Variants in ANKRD30A observed in about 807,000 individuals in gnomAD.
ANKRD30A encodes the protein ankyrin repeat domain 30A.
In ANKRD30A, 170 loss-of-function variants were observed where a neutral mutation model predicts 166.3. That is an observed-to-expected ratio of 1.02 (90% confidence interval 0.90 to 1.16). ANKRD30A has a LOEUF of 1.16. Ranked by LOEUF, ANKRD30A falls within the 50% of genes most tolerant of loss-of-function variation. ANKRD30A has a pLI of 0.00. For missense variants in ANKRD30A, 1,630 were observed against 1,518.0 expected (o/e 1.07, Z -1.23); for synonymous variants, 564 against 508.9 (o/e 1.11, Z -1.46).
chr10:37,159,855 C>T (rs940276117), intron 15 of ANKRD30A, among the ~76,000 whole-genome samples: 13 of 152,150 alleles, frequency 8.5e-5, no homozygotes, highest in East Asian at 3.9e-4. Context: ...CCACCATGCC[C>T]GGCTAATGTT....
At chr10:37,246,072 T>G in the ANKRD30A span, among the ~76,000 whole-genome samples, 1 of 152,204 alleles carries the variant, frequency 6.6e-6, no homozygotes, top group Non-Finnish European at 1.5e-5. Flanking sequence ...CAAAATTCTG[T>G]TCACCAGAGG....
At chr10:37,154,577 G>A (rs1838221820) in intron 13 of ANKRD30A, among the ~76,000 whole-genome samples, 1 of 152,060 alleles carries the variant, frequency 6.6e-6, no homozygotes, top group South Asian at 2.1e-4. Context: ...AATTATAGAT[G>A]GAAGATACTA....
At chr10:37,250,688 C>T in the ANKRD30A span, among the ~76,000 whole-genome samples, 1 of 152,214 alleles carries the variant, frequency 6.6e-6, no homozygotes, top group African/African-American at 2.4e-5. Flanking sequence ...CTCCAGAGAG[C>T]TTATTGCCCC....
At chr10:37,205,025 G>C (rs1394931840) in intron 31 of ANKRD30A, among the ~76,000 whole-genome samples, 1 of 152,170 alleles carries the variant, frequency 6.6e-6, no homozygotes, top group African/African-American at 2.4e-5. Context: ...TTCAACCATT[G>C]TGGAAGACAG....
chr10:37,193,210 A>G lies in ANKRD30A; in HGVS notation c.2566A>G (p.Ile856Val), dbSNP rs562118551. ...GGCTCCCTGCAGAATGAAAGTTTCT[A>G]TTCCAACTAAAGCCTTAGAATTGAT... The part of the protein sequence containing the change: ...LKAPCRMKVS[I>V]PTKALELMDM... The change falls in exon 27 of 36, where the codon ATT becomes GTT. Residue 856 changes from isoleucine (I) to valine (V), a missense_variant. By Grantham distance (29) the Ile-to-Val change is conservative (BLOSUM62 3). Around this residue, in one of 4 missense-constraint regions of ANKRD30A, gnomAD observed 712 missense variants for 629.3 expected, o/e 1.13. Coordinates refer to ENST00000361713, the MANE Select transcript of ANKRD30A (RefSeq NM_052997.3). The G allele has an allele frequency of 1.2e-6, 2 of 1,612,060 alleles. No individual in the cohort carries two copies. Among genetic ancestry groups the G allele is most frequent in the African/African-American group, 2.7e-5 (2 of 74,812 alleles).
Position 37,130,274 on chromosome 10 carries a change from G to A in ANKRD30A, c.406G>A (p.Asp136Asn). 6.2e-7 allele frequency: 1 copy of A among 1,604,876 alleles called. No homozygotes were observed. The highest frequency in any genetic ancestry group is 8.5e-7 in the Non-Finnish European group (1 of 1,175,940). The change falls in exon 3 of 36, where the codon GAT (aspartate) becomes AAT (asparagine). Residue 136 changes from aspartate (D) to asparagine (N), a missense_variant. Physicochemically the swap from Asp to Asn is conservative, Grantham distance 23 (BLOSUM62 1). Around this residue, in one of 4 missense-constraint regions of ANKRD30A, gnomAD observed 904 missense variants for 818.5 expected, o/e 1.10. Coordinates refer to ENST00000361713, the MANE Select transcript of ANKRD30A (RefSeq NM_052997.3). ...TTCTGGTGCCGATATAAATCTCGTA[G>A]ATGTGTATGGCAACACGGCTCTCCA... ...IDSGADINLVDVYGNTALHYA... is the reference protein window; with the variant it reads ...IDSGADINLVNVYGNTALHYA...
downstream of ANKRD30A, chr10:37,232,685 T>G (rs1367664690): frequency 0.028 from 147 of 5,256 alleles, 4 homozygotes; most frequent in African/African-American, 0.039. Context: ...TATATATATA[T>G]ATATATATAA....
intron 6 of ANKRD30A, among the ~76,000 whole-genome samples, chr10:37,137,306 G>C (rs990681923): frequency 6.6e-6 from 1 of 152,150 alleles, no homozygotes; most frequent in Non-Finnish European, 1.5e-5. Context: ...AACGCAGAAA[G>C]GGATGGGTGA....
At chr10:37,231,756 G>T in intron 35 of ANKRD30A, 76 bp downstream of exon 35, 1 of 234,796 alleles carries the variant, frequency 4.3e-6, no homozygotes, top group Non-Finnish European at 8.2e-6. Context: ...GTGAAATACT[G>T]AGTTAATTGA....
chr10:37,137,586 A>ACT (rs1836801610), intron 6 of ANKRD30A, among the ~76,000 whole-genome samples: 2 of 152,186 alleles, frequency 1.3e-5, no homozygotes, highest in African/African-American at 4.8e-5. Context: ...TATCCCGAGC[A>ACT]TGGCTCAGAG....
chr10:37,133,456 G>A (rs1302436423), intron 4 of ANKRD30A, among the ~76,000 whole-genome samples: 2 of 152,142 alleles, frequency 1.3e-5, no homozygotes, highest in African/African-American at 2.4e-5. Flanking sequence ...AATGTCAACA[G>A]CATTTAATTC....
chr10:37,183,872 G>C (rs1331388588), intron 24 of ANKRD30A, among the ~76,000 whole-genome samples: 1 of 148,710 alleles, frequency 6.7e-6, no homozygotes, highest in East Asian at 2.0e-4. Flanking sequence ...ATGGTGACCG[G>C]GTGCGGTGGC....
chr10:37,214,080 G>T (rs1212429947), intron 31 of ANKRD30A, among the ~76,000 whole-genome samples: 1 of 151,410 alleles, frequency 6.6e-6, no homozygotes, highest in East Asian at 1.9e-4. Flanking sequence ...GTATTTTGAA[G>T]GATTTATGTT....
chr10:37,202,687 A>G (rs771025710), intron 31 of ANKRD30A, among the ~76,000 whole-genome samples: 3 of 152,210 alleles, frequency 2.0e-5, no homozygotes, highest in South Asian at 2.1e-4. Flanking sequence ...CAAAAAATCA[A>G]TGAATCCAGG....
At chr10:37,195,691 G>A (rs1392927916) in intron 27 of ANKRD30A, among the ~76,000 whole-genome samples, 4 of 152,150 alleles carry the variant, frequency 2.6e-5, no homozygotes, top group Admixed American at 1.3e-4. Context: ...TGAGGAGATC[G>A]AGACCATCCT....
chr10:37,223,542 T>C (rs1415274937), intron 34 of ANKRD30A, among the ~76,000 whole-genome samples: 5 of 151,448 alleles, frequency 3.3e-5, no homozygotes, highest in African/African-American at 9.7e-5. Flanking sequence ...AATTATTTTT[T>C]CACTTATTGT....
In ANKRD30A at chr10:37,152,134, A is replaced by G. The variant is rs1224730299; in HGVS notation, c.1707+13A>G. The G allele has an allele frequency of 1.9e-6, 3 of 1,590,028 alleles. No homozygotes were observed. In the African/African-American group the frequency reaches 4.0e-5, roughly 21 times the overall value. On this transcript the variant is annotated intron_variant, in intron 12 of 35. Transcript: ENST00000361713. ...TTGGGATTCTGAGGTACTATGTGTT[A>G]TTGATTTTTTTTTAATATTAGTATT...
At chr10:37,156,857 T>C (rs1470274012) in intron 13 of ANKRD30A, among the ~76,000 whole-genome samples, 1 of 152,186 alleles carries the variant, frequency 6.6e-6, no homozygotes, top group Non-Finnish European at 1.5e-5. Flanking sequence ...GCGTATTGAA[T>C]ACAAATTTAA....
At chr10:37,198,118 T>G (rs1444736381) in intron 29 of ANKRD30A, among the ~76,000 whole-genome samples, 1 of 152,152 alleles carries the variant, frequency 6.6e-6, no homozygotes, top group African/African-American at 2.4e-5. Context: ...TAGAGTCTTT[T>G]TACACTAGTA....
Sources: gnomAD v4.1 joint callset for allele counts (sites outside exome capture counted in the v4.1 genomes callset) on GRCh38, gnomAD v4.1.1 for gene constraint, gnomAD v4.1.1 regional missense constraint, MANE v1.5 for transcripts, NCBI Gene and HGNC (gene_info 2026-07-23, HGNC 2026-07-21) for gene names.